The following DNAJC11 variants were observed in gnomAD, a reference collection of about 807,000 sequenced individuals.
The protein encoded by DNAJC11 is dnaJ homolog subfamily C member 11.
Under a neutral mutation model 78.6 loss-of-function variants are expected in DNAJC11, and 15 were observed. The ratio of observed to expected loss-of-function variants is 0.19; its 90% CI spans 0.13 to 0.29. DNAJC11 has a LOEUF of 0.29. Ranked by LOEUF, DNAJC11 falls within the 10% of genes least tolerant of loss-of-function variation. DNAJC11 has a pLI of 1.00. For missense variants in DNAJC11, 547 were observed against 709.6 expected (o/e 0.77, Z 2.60); for synonymous variants, 292 against 272.1 (o/e 1.07, Z -0.72).
chr1:6,677,158 CAAA>C (rs1181692411), intron 3 of DNAJC11, among the ~76,000 whole-genome samples: 1 of 49,476 alleles, frequency 2.0e-5, no homozygotes, highest in Non-Finnish European at 4.1e-5. Flanking sequence ...AACTTGGTCT[CAAA>C]AAAAAAAAAA....
At chr1:6,643,156 G>A (rs1016216554) in intron 10 of DNAJC11, among the ~76,000 whole-genome samples, 2 of 152,132 alleles carry the variant, frequency 1.3e-5, no homozygotes, top group African/African-American at 4.8e-5. Flanking sequence ...TCTGCCACAG[G>A]AGGGAGGGTG....
chr1:6,649,844 A>C (rs920716617), intron 7 of DNAJC11, among the ~76,000 whole-genome samples: 50 of 151,740 alleles, frequency 3.3e-4, no homozygotes, highest in African/African-American at 9.9e-4. Context: ...AGTAGCTGGG[A>C]CTACAGGCAA....
At chr1:6,643,559 G>A (rs1292249979) in intron 10 of DNAJC11, among the ~76,000 whole-genome samples, 3 of 152,148 alleles carry the variant, frequency 2.0e-5, no homozygotes, top group African/African-American at 7.2e-5. Flanking sequence ...ACAGGTGTGA[G>A]CCACAGTGCC....
In DNAJC11 at chr1:6,645,733, G is replaced by A. The variant is rs78547281; in HGVS notation, c.894+56C>T. On this transcript the variant is annotated intron_variant, in intron 8 of 15. Transcript: ENST00000377577. This position sits in a 1 kb window ranked among gnomAD's most constrained non-coding sequence, Gnocchi z 4.1. The stretch of plus-strand genomic sequence containing the variant: ...ATTTAAGGGGAGCACTGAGTGCTTG[G>A]GAGGAGGGGTCCTCCCAGAGCTCTG... The A allele has an allele frequency of 0.014, 22,114 of 1,586,452 alleles. 197 individuals carry two copies. The highest frequency in any genetic ancestry group is 0.017 in the South Asian group (1,543 of 88,564).
rs767540150 is a variant in DNAJC11 at position 6,638,372 on chromosome 1, G to A, written c.1254-8C>T. 37 of 1,612,434 alleles carry A rather than the reference G, an allele frequency of 2.3e-5. No homozygotes were observed. Among genetic ancestry groups the A allele is most frequent in the Non-Finnish European group, 2.9e-5 (34 of 1,179,282 alleles). On this transcript the variant is annotated splice_polypyrimidine_tract_variant and splice_region_variant and intron_variant, in intron 11 of 15. Coordinates refer to ENST00000377577, the MANE Select transcript of DNAJC11 (RefSeq NM_018198.4). ...CTCTGCTTCTCCAATTCCCTTACGC[G>A]AGAGGAACACAAGCCCCACGTTAGC...
chr1:6,636,034 G>C (rs947389847), intron 15 of DNAJC11, 83 bp downstream of exon 15: 53 of 1,509,096 alleles, frequency 3.5e-5, no homozygotes, highest in Non-Finnish European at 4.5e-5. Context: ...AAGGTGGAAG[G>C]TGGCTGGCAG....
chr1:6,639,632 G>A (rs1363721051), intron 11 of DNAJC11, among the ~76,000 whole-genome samples: 1 of 152,028 alleles, frequency 6.6e-6, no homozygotes, highest in African/African-American at 2.4e-5. Flanking sequence ...ACGCCCAGCC[G>A]AGGCCCAACA....
chr1:6,696,505 C>G (rs1281903237), intron 1 of DNAJC11, among the ~76,000 whole-genome samples: 5 of 152,196 alleles, frequency 3.3e-5, no homozygotes, highest in Non-Finnish European at 7.3e-5. Context: ...TCTAGCCCTT[C>G]CTTTCCATCT....
chr1:6,636,593 T>C (rs1314782846), intron 14 of DNAJC11, among the ~76,000 whole-genome samples: 5 of 152,168 alleles, frequency 3.3e-5, no homozygotes, highest in Admixed American at 2.6e-4. Context: ...CTTTCTGGAA[T>C]GAGGCAAAAA....
intron 1 of DNAJC11, among the ~76,000 whole-genome samples, chr1:6,693,397 T>C (rs1642781877): frequency 6.6e-6 from 1 of 152,172 alleles, no homozygotes; most frequent in African/African-American, 2.4e-5. Context: ...TATATTATCG[T>C]TTAGATGGAT....
At chr1:6,642,579 C>A (rs1346503306) in intron 10 of DNAJC11, among the ~76,000 whole-genome samples, 2 of 152,138 alleles carry the variant, frequency 1.3e-5, no homozygotes, top group Non-Finnish European at 2.9e-5. Flanking sequence ...GTGGCTCACA[C>A]CTGTAATCCT....
intron 11 of DNAJC11, 84 bp from the exon 12 acceptor site, chr1:6,638,448 A>G: frequency 7.5e-7 from 1 of 1,331,482 alleles, no homozygotes; most frequent in Non-Finnish European, 1.0e-6. Context: ...GCTGGACCCG[A>G]GCCCAGCAAA....
At chr1:6,643,308 C>A (rs1211230773) in intron 10 of DNAJC11, among the ~76,000 whole-genome samples, 1 of 148,454 alleles carries the variant, frequency 6.7e-6, no homozygotes, top group Non-Finnish European at 1.5e-5. Flanking sequence ...TGGAGTCTCG[C>A]TCTGATGCCC....
At position 6,680,859 on chromosome 1, in the gene DNAJC11, C is replaced by T. The variant is rs1642539977; in HGVS notation, c.202+49G>A. ...TCTACAAATCGCACCTCCTAAAAAT[C>T]GAATATCTGTTACCAGGATGTTTCT... is the stretch of plus-strand genomic sequence containing the variant. On this transcript the variant is annotated intron_variant, in intron 2 of 15. Coordinates refer to ENST00000377577, the MANE Select transcript of DNAJC11 (RefSeq NM_018198.4). This position sits in a 1 kb window ranked among gnomAD's most constrained non-coding sequence, Gnocchi z 4.0. The T allele has an allele frequency of 1.3e-5, 20 of 1,595,940 alleles. No individual in the cohort carries two copies. The highest frequency in any genetic ancestry group is 9.0e-5 in the East Asian group (4 of 44,470).
chr1:6,636,049 C>G (rs1339499411), intron 15 of DNAJC11, 68 bp downstream of exon 15: 1 of 1,542,752 alleles, frequency 6.5e-7, no homozygotes, highest in African/African-American at 1.4e-5. Flanking sequence ...TGGCAGCCCA[C>G]ACACTGAGCA....
In DNAJC11 at chr1:6,640,105, G is replaced by A. The variant is rs1254378394; in HGVS notation, c.1098-48C>T. The A allele has an allele frequency of 2.7e-6, 4 of 1,504,866 alleles. No individual in the cohort carries two copies. In the African/African-American group the frequency reaches 4.3e-5, roughly 16 times the overall value. The allele number at this position is 1,504,866 out of a possible 1,614,324, so 93.2% of individuals were successfully genotyped here. ...AAAAAAAAAAGCCAAGATGAATCAG[G>A]TTTTCCAGGGAAGGGCAATGGGGTG... On this transcript the variant is annotated intron_variant, in intron 10 of 15. Coordinates refer to ENST00000377577, the MANE Select transcript of DNAJC11 (RefSeq NM_018198.4).
intron 11 of DNAJC11, among the ~76,000 whole-genome samples, chr1:6,639,268 G>A (rs956304899): frequency 2.0e-5 from 3 of 151,796 alleles, no homozygotes; most frequent in African/African-American, 7.3e-5. Context: ...TAAACTCAGC[G>A]CTGGGAAAGG....
intron 1 of DNAJC11, among the ~76,000 whole-genome samples, chr1:6,698,901 C>T (rs2943679): frequency 0.32 from 47,968 of 149,900 alleles, 7,925 homozygotes; most frequent in Non-Finnish European, 0.35. Context: ...CACGACTGCA[C>T]CACTGCACTC....
intron 1 of DNAJC11, among the ~76,000 whole-genome samples, chr1:6,696,059 T>C (rs1642831418): frequency 6.6e-6 from 1 of 152,242 alleles, no homozygotes; most frequent in Admixed American, 6.5e-5. Flanking sequence ...TTCTTGCTTC[T>C]CAGCCTCTTG....
Sources: gnomAD v4.1 joint callset for allele counts (sites outside exome capture counted in the v4.1 genomes callset) on GRCh38, gnomAD v4.1.1 for gene constraint, Gnocchi (gnomAD v3.1) non-coding constraint, MANE v1.5 for transcripts, NCBI Gene and HGNC (gene_info 2026-07-23, HGNC 2026-07-21) for gene names.